Variants in DTYMK observed in about 807,000 individuals in gnomAD.
The protein encoded by DTYMK is thymidylate kinase.
DTYMK carries 20 observed loss-of-function variants against 20.3 expected under a neutral mutation model. The ratio of observed to expected loss-of-function variants is 0.99; its 90% CI spans 0.69 to 1.43. DTYMK has a LOEUF of 1.43. DTYMK is among the 40% of genes most tolerant of loss of function. The probability of loss-of-function intolerance (pLI) is 0.00; values close to 1 mark genes in which losing one functional copy is unlikely to be tolerated. For synonymous variants in DTYMK, 148 were observed against 124.4 expected (o/e 1.19, Z -1.27); for missense variants, 320 against 291.1 (o/e 1.10, Z -0.72).
At chr2:241,678,431 G>A (rs756356201) in intron 4 of DTYMK, 21 bp downstream of exon 4, 13 of 1,613,846 alleles carry the variant, frequency 8.1e-6, no homozygotes, top group Non-Finnish European at 9.3e-6. Flanking sequence ...GCTTCCTAGT[G>A]TGCAATTCTG....
At chr2:241,680,782 C>T (rs1468081796) in intron 2 of DTYMK, among the ~76,000 whole-genome samples, 1 of 152,178 alleles carries the variant, frequency 6.6e-6, no homozygotes, top group Non-Finnish European at 1.5e-5. Context: ...AGGTCTGGAT[C>T]TTCTCTAGAA....
intron 3 of DTYMK, among the ~76,000 whole-genome samples, chr2:241,679,229 C>T (rs2069185525): frequency 6.6e-6 from 1 of 152,220 alleles, no homozygotes; most frequent in Non-Finnish European, 1.5e-5. Context: ...CCTCCAAATG[C>T]TGTCCTGTTT....
intron 1 of DTYMK, 75 bp downstream of exon 1, chr2:241,686,579 C>A: frequency 7.1e-7 from 1 of 1,406,264 alleles, no homozygotes; most frequent in South Asian, 1.5e-5. Context: ...CCGCAGACAA[C>A]GAAGCGGAGC....
At position 241,685,784 on chromosome 2, in the gene DTYMK, T is replaced by C. The variant is rs1442949149; in HGVS notation, c.224A>G (p.Asn75Ser). 1.2e-6 allele frequency: 2 copies of C among 1,613,926 alleles called. No homozygotes were observed. Among genetic ancestry groups the C allele is most frequent in the Non-Finnish European group, 1.7e-6 (2 of 1,179,924 alleles). Residue 75 changes from asparagine to serine, a missense_variant, in exon 2 of 5, where the codon AAT becomes AGT. By Grantham distance (46) the Asn-to-Ser change is conservative. Coordinates refer to ENST00000305784, the MANE Select transcript of DTYMK (RefSeq NM_012145.4). ...DHSVHLLFSA[N>S]RWEQVPLIKE... ...TGGTTTTTACACTTGTTCCCAGCGA[T>C]TTGCAGAAAAAAGCAGGTGCACCGA...
At chr2:241,678,345 C>T in intron 4 of DTYMK, 107 bp downstream of exon 4, 2 of 1,497,624 alleles carry the variant, frequency 1.3e-6, no homozygotes, top group South Asian at 2.5e-5. Flanking sequence ...TCTGGGAGGA[C>T]CAGACGGAAA....
In DTYMK at chr2:241,680,126, ACT is replaced by A. The variant is rs2069205743; in HGVS notation, c.330+101_330+102del. ...ATAAAAGGAATATAAGAATCACGAA[ACT>A]CTGCAGAGTAATCTGAGGCATGTCA... On this transcript the variant is annotated intron_variant, in intron 3 of 4. Transcript: ENST00000305784. 1.8e-5 allele frequency: 20 copies of A among 1,084,694 alleles called. No homozygotes were observed. The South Asian group carries it at 2.4e-4, about 13-fold the overall frequency. The allele number at this position is 1,084,694 out of a possible 1,614,324, so 67.2% of individuals were successfully genotyped here.
At chr2:241,686,614 C>T (rs1448580743) in intron 1 of DTYMK, 40 bp downstream of exon 1, 5 of 1,469,482 alleles carry the variant, frequency 3.4e-6, no homozygotes, top group Non-Finnish European at 4.4e-6. Flanking sequence ...AAGGCAGAGG[C>T]ACCGAAGGCC....
At chr2:241,685,575 G>A in intron 2 of DTYMK, 194 bp downstream of exon 2, 2 of 528,004 alleles carry the variant, frequency 3.8e-6, no homozygotes, top group Admixed American at 3.2e-5. Context: ...GGGAGCAGGA[G>A]GACGAAACAG....
intron 2 of DTYMK, among the ~76,000 whole-genome samples, chr2:241,683,539 T>A (rs1419121977): frequency 6.6e-6 from 1 of 152,208 alleles, no homozygotes; most frequent in Non-Finnish European, 1.5e-5. Flanking sequence ...TACCCATGGT[T>A]TAGCAGTTCT....
At chr2:241,685,936 C>T in intron 1 of DTYMK, 59 bp from the exon 2 acceptor site, 4 of 1,520,002 alleles carry the variant, frequency 2.6e-6, no homozygotes, top group Non-Finnish European at 3.6e-6. Context: ...CTCTATATTA[C>T]AATATAGTTT....
chr2:241,676,560 G>A (rs1185587510), intron 4 of DTYMK, among the ~76,000 whole-genome samples: 1 of 152,250 alleles, frequency 6.6e-6, no homozygotes, highest in Non-Finnish European at 1.5e-5. Flanking sequence ...ACACTGTGGT[G>A]ACCTCCGGGA....
At position 241,676,312 on chromosome 2, in the gene DTYMK, G is replaced by A. The variant is rs2069115866; in HGVS notation, c.529-75C>T. ...AGGCTGGTCACGGGAGCCCACGCCT[G>A]TAATCCCAGCACTTTGGGAGGCCCA... On this transcript the variant is annotated intron_variant, in intron 4 of 4. Transcript: ENST00000305784. 5.0e-6 allele frequency: 7 copies of A among 1,407,728 alleles called. No homozygotes were observed. In the Admixed American group the frequency reaches 6.3e-5, roughly 13 times the overall value. 87.2% of individuals were successfully genotyped at this position (1,407,728 alleles called of 1,614,324 possible). A position where few individuals can be genotyped will look rare whatever the true frequency, so the allele number is the denominator to read the frequency against.
intron 1 of DTYMK, among the ~76,000 whole-genome samples, chr2:241,686,365 G>A (rs1449249722): frequency 6.6e-6 from 1 of 152,192 alleles, no homozygotes; most frequent in African/African-American, 2.4e-5. Context: ...ACCATACCCC[G>A]CACTTAAAGA....
At chr2:241,685,343 A>C (rs1307779770) in intron 2 of DTYMK, 1 of 154,058 alleles carries the variant, frequency 6.5e-6, no homozygotes, top group African/African-American at 2.4e-5. Context: ...TAAAAATACA[A>C]AAATTAAATT....
chr2:241,676,084 C>T lies in DTYMK; in HGVS notation c.*43G>A, dbSNP rs200764696. ...GGCCTTCCGCGAGTCTCCCACCTCTCGGGGGACTGCAGGGAGAGGCGTCTC... is the reference window on the plus strand; with the variant it reads ...GGCCTTCCGCGAGTCTCCCACCTCTTGGGGGACTGCAGGGAGAGGCGTCTC... On this transcript the variant is annotated 3_prime_UTR_variant, in exon 5 of 5. Transcript: ENST00000305784. 362 of 1,561,494 alleles carry T rather than the reference C, an allele frequency of 2.3e-4. 1 individual carries two copies. The East Asian group carries it at 5.6e-3, about 24-fold the overall frequency.
rs1412427155 is a variant in DTYMK, at chr2:241,686,702, C to T, written c.82G>A (p.Glu28Lys). The T allele has an allele frequency of 2.6e-6, 4 of 1,542,142 alleles. No homozygotes were observed. In the Admixed American group the frequency reaches 7.7e-5, roughly 30 times the overall value. ...GKSTQSRKLV[E>K]ALCAAGHRAE... ...CGGTGGCCCGCGGCGCACAGCGCTT[C>T]CACCAGCTTGCGGCTCTGCGTGCTC... is the stretch of plus-strand genomic sequence containing the variant. The change falls in exon 1 of 5, where the codon GAA becomes AAA. Residue 28 changes from glutamate (E) to lysine (K), a missense_variant. Physicochemically the swap from Glu to Lys is moderately conservative, Grantham distance 56. Coordinates refer to ENST00000305784, the MANE Select transcript of DTYMK (RefSeq NM_012145.4).
chr2:241,678,569 CAGCTGT>C lies in DTYMK; in HGVS notation c.405_410del (p.Gln136_Leu137del). On this transcript the variant is annotated inframe_deletion, in exon 4 of 5. Coordinates refer to ENST00000305784, the MANE Select transcript of DTYMK (RefSeq NM_012145.4). Reference sequence around the variant, plus strand: ...ACGCTCCCCGCTTGGCAGCATCCGCCAGCTGTAACTGGAGGAACAGGACCAGGTCGG... The same window carrying C: ...ACGCTCCCCGCTTGGCAGCATCCGCCAACTGGAGGAACAGGACCAGGTCGG... 1 of 1,614,214 alleles carries C rather than the reference CAGCTGT, an allele frequency of 6.2e-7. No homozygotes were observed. Among genetic ancestry groups the C allele is most frequent in the Non-Finnish European group, 8.5e-7 (1 of 1,180,050 alleles).
chr2:241,685,988 A>G, intron 1 of DTYMK, 111 bp from the exon 2 acceptor site: 1 of 1,125,946 alleles, frequency 8.9e-7, no homozygotes, highest in Middle Eastern at 2.0e-4. Context: ...GTTGAATTTT[A>G]CTTTACTAAA....
At chr2:241,686,508 T>C in intron 1 of DTYMK, 146 bp downstream of exon 1, 1 of 1,277,420 alleles carries the variant, frequency 7.8e-7, no homozygotes, top group Non-Finnish European at 1.0e-6. Flanking sequence ...CACTCCAGCC[T>C]GGGCGACACA....
Sources: gnomAD v4.1 joint callset for allele counts (sites outside exome capture counted in the v4.1 genomes callset) on GRCh38, gnomAD v4.1.1 for gene constraint, MANE v1.5 for transcripts, NCBI Gene and HGNC (gene_info 2026-07-23, HGNC 2026-07-21) for gene names.